ERMP1: variants seen among roughly 807,000 people sequenced by gnomAD.
ERMP1 encodes the protein endoplasmic reticulum metallopeptidase 1.
Under a neutral mutation model 92.0 loss-of-function variants are expected in ERMP1, and 86 were observed. The ratio of observed to expected loss-of-function variants is 0.93; its 90% CI spans 0.79 to 1.12. The LOEUF is 1.12. Ranked by LOEUF, ERMP1 falls within the 50% of genes most tolerant of loss-of-function variation. The pLI is 0.00. For synonymous variants in ERMP1, 530 were observed against 412.8 expected (o/e 1.28, Z -3.44); for missense variants, 1,342 against 1,116.3 (o/e 1.20, Z -2.88).
intron 4 of ERMP1, among the ~76,000 whole-genome samples, chr9:5,816,733 ATTG>A (rs956452225): frequency 6.6e-6 from 1 of 152,220 alleles, no homozygotes; most frequent in African/African-American, 2.4e-5. Context: ...GAATGGATCA[ATTG>A]TTGTAGAATT....
At chr9:5,796,389 C>A (rs1425453801) in intron 13 of ERMP1, among the ~76,000 whole-genome samples, 1 of 152,186 alleles carries the variant, frequency 6.6e-6, no homozygotes, top group Non-Finnish European at 1.5e-5. Context: ...CAGTTTCTTA[C>A]AAAGCTAAAC....
At chr9:5,821,661 GA>G (rs1253517227) in intron 4 of ERMP1, among the ~76,000 whole-genome samples, 3 of 152,208 alleles carry the variant, frequency 2.0e-5, no homozygotes, top group Non-Finnish European at 2.9e-5. Flanking sequence ...TATGTACATA[GA>G]AAAAAATCTA....
upstream of ERMP1, among the ~76,000 whole-genome samples, chr9:5,834,827 T>G (rs972822793): frequency 6.6e-6 from 1 of 151,022 alleles, no homozygotes; most frequent in Non-Finnish European, 1.5e-5. Context: ...TCTGAGTTCC[T>G]GGATCTGGTA....
intron 6 of ERMP1, among the ~76,000 whole-genome samples, chr9:5,838,719 A>C (rs1331412505): frequency 6.6e-6 from 1 of 152,178 alleles, no homozygotes; most frequent in African/African-American, 2.4e-5. Flanking sequence ...AGAGTTTGGA[A>C]CGTCATATAT....
Position 5,786,634 on chromosome 9 carries a change from A to G in ERMP1, c.*510T>C, listed in dbSNP as rs1158637873. The G allele has an allele frequency of 6.4e-6, 1 of 156,470 alleles. No homozygotes were observed. Among genetic ancestry groups the G allele is most frequent in the African/African-American group, 2.4e-5 (1 of 41,478 alleles). 9.7% of individuals were successfully genotyped at this position (156,470 alleles called of 1,614,324 possible). On this transcript the variant is annotated 3_prime_UTR_variant, in exon 15 of 15. Transcript: ENST00000339450. ...ACACAGGCTACAGCCTCAAGAGTGCAATGCTTCTCTCCCAGCCCTATGGCA... is the reference window on the plus strand; with the variant it reads ...ACACAGGCTACAGCCTCAAGAGTGCGATGCTTCTCTCCCAGCCCTATGGCA...
chr9:5,847,844 G>A (rs1167849434), intron 6 of ERMP1, among the ~76,000 whole-genome samples: 3 of 151,044 alleles, frequency 2.0e-5, no homozygotes, highest in African/African-American at 4.9e-5. Flanking sequence ...GCAGTGAGTC[G>A]AGATGGCACC....
upstream of ERMP1, among the ~76,000 whole-genome samples, chr9:5,834,683 A>C (rs1007125955): frequency 1.3e-5 from 2 of 149,240 alleles, no homozygotes; most frequent in African/African-American, 2.5e-5. Flanking sequence ...GCCCATGGTC[A>C]TAACTATATG....
At chr9:5,834,977 ATGTG>A (rs71326191), upstream of ERMP1, among the ~76,000 whole-genome samples, 26,983 of 124,616 alleles carry the variant, frequency 0.22, 2,651 homozygotes, top group East Asian at 0.25. Context: ...GGATAGATAG[ATGTG>A]TGTGTGTGTG....
At chr9:5,819,478 C>G (rs1829448489) in intron 4 of ERMP1, among the ~76,000 whole-genome samples, 2 of 152,312 alleles carry the variant, frequency 1.3e-5, no homozygotes, top group South Asian at 4.2e-4. Flanking sequence ...GCAAGGACAT[C>G]AGCCCAGCAA....
intron 4 of ERMP1, among the ~76,000 whole-genome samples, chr9:5,819,218 T>C (rs1829433879): frequency 5.3e-5 from 8 of 151,952 alleles, no homozygotes. Context: ...ATCCATACAA[T>C]GGGTTAGTCA....
At chr9:5,842,270 G>A (rs1830174642) in intron 6 of ERMP1, among the ~76,000 whole-genome samples, 1 of 151,856 alleles carries the variant, frequency 6.6e-6, no homozygotes, top group South Asian at 2.1e-4. Context: ...GTGATGATTG[G>A]TGCATTTACA....
intron 3 of ERMP1, among the ~76,000 whole-genome samples, chr9:5,824,236 G>A (rs532075704): frequency 2.1e-4 from 32 of 152,240 alleles, no homozygotes; most frequent in African/African-American, 5.3e-4. Context: ...GACCATCAGC[G>A]GTGCCAAACA....
Position 5,801,216 on chromosome 9 carries a change from G to C in ERMP1, c.2027C>G (p.Ser676Cys). 6.2e-7 allele frequency: 1 copy of C among 1,613,714 alleles called. No individual in the cohort carries two copies. The highest frequency in any genetic ancestry group is 1.1e-5 in the South Asian group (1 of 90,970). Residue 676 changes from serine to cysteine, a missense_variant, in exon 11 of 15, where the codon TCC becomes TGC. By Grantham distance (112) the Ser-to-Cys change is moderately radical. Transcript: ENST00000339450. ...CTTTGGCTTCGGATTAGCAGGATTG[G>C]AGCTATATGGAAAAAATGTTCCACT... ...VCSGTFFPYS[S>C]NPANPKPKRV...
At chr9:5,850,204 G>A (rs899570494) in intron 6 of ERMP1, among the ~76,000 whole-genome samples, 1 of 151,838 alleles carries the variant, frequency 6.6e-6, no homozygotes, top group Admixed American at 6.6e-5. Context: ...AGAATTCCTC[G>A]AGACCAGCCT....
chr9:5,859,084 A>C (rs1442837085), intron 6 of ERMP1, among the ~76,000 whole-genome samples: 1 of 152,214 alleles, frequency 6.6e-6, no homozygotes. Context: ...GGCTAGCAAG[A>C]GGTGAATTTA....
intron 13 of ERMP1, among the ~76,000 whole-genome samples, chr9:5,794,562 G>A (rs1208933098): frequency 6.8e-6 from 1 of 148,036 alleles, no homozygotes; most frequent in Admixed American, 6.7e-5. Context: ...TGAAAGAGGG[G>A]ACATCATTAT....
intron 8 of ERMP1, among the ~76,000 whole-genome samples, chr9:5,805,989 G>C (rs893015112): frequency 6.6e-6 from 1 of 152,124 alleles, no homozygotes; most frequent in Admixed American, 6.6e-5. Context: ...ACAAGAAAGG[G>C]CATTTTAACA....
chr9:5,832,728 G>T lies in ERMP1; in HGVS notation c.300C>A (p.Ala100=), dbSNP rs1131727. The T allele has an allele frequency of 6.7e-7, 1 of 1,492,154 alleles. No homozygotes were observed. Among genetic ancestry groups the T allele is most frequent in the Non-Finnish European group, 8.9e-7 (1 of 1,129,400 alleles). The allele number at this position is 1,492,154 out of a possible 1,614,324, so 92.4% of individuals were successfully genotyped here. The change falls in exon 1 of 15, where the codon GCC becomes GCA. Residue 100 remains alanine (A), a synonymous_variant. Transcript: ENST00000339450. The stretch of plus-strand genomic sequence containing the variant: ...CGTCGAACTCCCCGCGGTGTCCAGC[G>T]GCCCCGCGTAGCACGAGCTGCTGCA... ...LSLQQLVLRG[A]AGHRGEFDAL...
At chr9:5,839,128 C>G (rs1162482180) in intron 6 of ERMP1, among the ~76,000 whole-genome samples, 2 of 152,190 alleles carry the variant, frequency 1.3e-5, no homozygotes, top group African/African-American at 4.8e-5. Context: ...AAAAGCTGAT[C>G]TCCAGCCTGT....
Sources: allele counts gnomAD v4.1 joint callset (sites outside exome capture counted in the v4.1 genomes callset), GRCh38; gene constraint gnomAD v4.1.1; transcripts MANE v1.5; gene names NCBI Gene and HGNC (gene_info 2026-07-23, HGNC 2026-07-21).